The following NMNAT3 variants were observed in gnomAD, a reference collection of about 807,000 sequenced individuals.
The protein encoded by NMNAT3 is nicotinamide/nicotinic acid mononucleotide adenylyltransferase 3.
In NMNAT3, 21 loss-of-function variants were observed where a neutral mutation model predicts 24.8. The observed-to-expected ratio is 0.85, with a 90% CI of 0.60 to 1.22. NMNAT3 has a LOEUF of 1.22. Ranked by LOEUF, NMNAT3 falls within the 50% of genes most tolerant of loss-of-function variation. The probability of loss-of-function intolerance (pLI) is 0.00; values close to 1 mark genes in which losing one functional copy is unlikely to be tolerated. For synonymous variants in NMNAT3, 136 were observed against 155.2 expected (o/e 0.88, Z 0.92); for missense variants, 387 against 436.6 (o/e 0.89, Z 1.01).
chr3:139,573,886 G>A (rs1371458480), intron 5 of NMNAT3, among the ~76,000 whole-genome samples: 1 of 152,154 alleles, frequency 6.6e-6, no homozygotes, highest in Non-Finnish European at 1.5e-5. Context: ...TCCTGTCCAA[G>A]ACAGTCCACT....
At chr3:139,675,135 T>TACACTCACACACACAA (rs2057885212) in intron 1 of NMNAT3, among the ~76,000 whole-genome samples, 1 of 148,228 alleles carries the variant, frequency 6.7e-6, no homozygotes, top group Non-Finnish European at 1.5e-5. Context: ...CTTTTAAACA[T>TACACTCACACACACAA]ACACACACAC....
intron 1 of NMNAT3, among the ~76,000 whole-genome samples, chr3:139,671,602 C>A (rs2057757796): frequency 6.9e-6 from 1 of 145,752 alleles, no homozygotes; most frequent in African/African-American, 2.4e-5. Context: ...ACAGTGGTAT[C>A]CTTTCTCTCT....
At chr3:139,567,819 C>G (rs894431509) in intron 6 of NMNAT3, 1 of 152,192 alleles carries the variant, frequency 6.6e-6, no homozygotes, top group Non-Finnish European at 1.5e-5. Flanking sequence ...TGTTGTGTCT[C>G]TGCCAGGCTT....
chr3:139,671,379 C>G (rs1359020164), intron 1 of NMNAT3, among the ~76,000 whole-genome samples: 1 of 152,178 alleles, frequency 6.6e-6, no homozygotes, highest in Non-Finnish European at 1.5e-5. Flanking sequence ...ACTGTATATT[C>G]AGATCACTTC....
At chr3:139,663,814 T>C (rs2057494619) in intron 1 of NMNAT3, among the ~76,000 whole-genome samples, 1 of 152,132 alleles carries the variant, frequency 6.6e-6, no homozygotes, top group Non-Finnish European at 1.5e-5. Context: ...GATGTAGACT[T>C]ATGGTCACAG....
chr3:139,578,037 T>C (rs985151121), intron 5 of NMNAT3, among the ~76,000 whole-genome samples: 1 of 152,232 alleles, frequency 6.6e-6, no homozygotes, highest in Non-Finnish European at 1.5e-5. Context: ...TGGTTCTAAA[T>C]AGACAAAAGA....
chr3:139,642,906 A>G (rs1356910559), intron 1 of NMNAT3, among the ~76,000 whole-genome samples: 1 of 152,046 alleles, frequency 6.6e-6, no homozygotes, highest in Non-Finnish European at 1.5e-5. Context: ...CATGCCTTTG[A>G]TCCTGCTGGG....
chr3:139,575,955 C>T, intron 5 of NMNAT3: 1 of 1,288,808 alleles, frequency 7.8e-7, no homozygotes, highest in Non-Finnish European at 1.0e-6. Context: ...TTGTGTGTGA[C>T]CGTGATTAAC....
At chr3:139,675,177 A>G (rs1018137423) in intron 1 of NMNAT3, among the ~76,000 whole-genome samples, 11 of 77,386 alleles carry the variant, frequency 1.4e-4, no homozygotes, top group Non-Finnish European at 3.3e-4. Context: ...CACATATACC[A>G]TGAAAAATCT....
rs2057182459 is a variant in NMNAT3, at chr3:139,654,808, C to A, written c.-140-16746G>T. Among the ~76,000 whole-genome samples, 3 of 152,264 alleles carry A rather than the reference C, an allele frequency of 2.0e-5. No homozygotes were observed. In the South Asian group the frequency reaches 6.2e-4, roughly 31 times the overall value. On this transcript the variant is annotated intron_variant, in intron 1 of 6. Transcript: ENST00000643695. ...CCTTGACTGCCATTAATAATCCCTT[C>A]ATTCAGCAAACATCAAACAGCAGCT...
At chr3:139,625,760 G>A (rs2056023550) in intron 3 of NMNAT3, among the ~76,000 whole-genome samples, 1 of 151,994 alleles carries the variant, frequency 6.6e-6, no homozygotes, top group Non-Finnish European at 1.5e-5. Context: ...TTCCTGTGTT[G>A]GTCCATGCTT....
intron 3 of NMNAT3, among the ~76,000 whole-genome samples, chr3:139,620,303 G>A (rs551811077): frequency 6.0e-5 from 9 of 150,638 alleles, no homozygotes; most frequent in African/African-American, 2.0e-4. Flanking sequence ...TTTGACATAC[G>A]TATATACCCC....
At chr3:139,626,326 A>T (rs2056049604) in intron 3 of NMNAT3, among the ~76,000 whole-genome samples, 1 of 151,598 alleles carries the variant, frequency 6.6e-6, no homozygotes, top group Non-Finnish European at 1.5e-5. Flanking sequence ...GTATTTTTAG[A>T]TAGTTCCTAT....
At chr3:139,659,380 C>G (rs1449008928) in intron 1 of NMNAT3, among the ~76,000 whole-genome samples, 2 of 152,126 alleles carry the variant, frequency 1.3e-5, no homozygotes, top group Non-Finnish European at 2.9e-5. Context: ...AAGCACAGTT[C>G]TAGAGTAGAG....
chr3:139,579,155 T>A, intron 4 of NMNAT3, 100 bp from the exon 5 acceptor site: 1 of 937,500 alleles, frequency 1.1e-6, no homozygotes, highest in Non-Finnish European at 1.6e-6. Flanking sequence ...TGCCTCATCC[T>A]GAGTGGTAGT....
At chr3:139,581,533 C>T (rs1258718233) in intron 4 of NMNAT3, among the ~76,000 whole-genome samples, 1 of 152,116 alleles carries the variant, frequency 6.6e-6, no homozygotes, top group East Asian at 1.9e-4. Context: ...CCTATGGATA[C>T]ATGCTACAAC....
At chr3:139,669,389 T>G (rs1040444643) in intron 1 of NMNAT3, among the ~76,000 whole-genome samples, 5 of 147,164 alleles carry the variant, frequency 3.4e-5, no homozygotes, top group African/African-American at 1.3e-4. Flanking sequence ...ATGGGAGGAC[T>G]GCTTGAACCT....
At chr3:139,669,476 C>CAAAAAA (rs1491427335) in intron 1 of NMNAT3, among the ~76,000 whole-genome samples, 1 of 34,466 alleles carries the variant, frequency 2.9e-5, no homozygotes. Flanking sequence ...GACCCTGTCT[C>CAAAAAA]AGAAAAAAAA....
At chr3:139,611,341 C>T (rs1483690392) in intron 3 of NMNAT3, among the ~76,000 whole-genome samples, 1 of 152,172 alleles carries the variant, frequency 6.6e-6, no homozygotes, top group African/African-American at 2.4e-5. Flanking sequence ...ACATATATTG[C>T]ATGGGCTAGA....
Sources: allele counts gnomAD v4.1 joint callset (sites outside exome capture counted in the v4.1 genomes callset), GRCh38; gene constraint gnomAD v4.1.1; transcripts MANE v1.5; gene names NCBI Gene and HGNC (gene_info 2026-07-23, HGNC 2026-07-21).